Variants in ANTXR2 observed in about 807,000 individuals in gnomAD.
ANTXR2 encodes the protein ANTXR cell adhesion molecule 2, also known as anthrax toxin receptor 2.
A neutral mutation model predicts 73.7 loss-of-function variants in ANTXR2; 44 were observed. That is an observed-to-expected ratio of 0.60 (90% confidence interval 0.47 to 0.77). The LOEUF is 0.77. Ranked by LOEUF, ANTXR2 falls within the 30% of genes least tolerant of loss-of-function variation. The pLI is 0.00. For missense variants in ANTXR2, 604 were observed against 592.5 expected (o/e 1.02, Z -0.20); for synonymous variants, 217 against 205.9 (o/e 1.05, Z -0.46).
intron 12 of ANTXR2, among the ~76,000 whole-genome samples, chr4:79,992,920 A>G (rs1475030054): frequency 6.6e-6 from 1 of 152,006 alleles, no homozygotes; most frequent in Non-Finnish European, 1.5e-5. Flanking sequence ...TCCATGCCCA[A>G]TACATTCTTT....
Position 79,977,698 on chromosome 4 carries a change from G to A in ANTXR2, c.1351C>T (p.Arg451Cys). The A allele has an allele frequency of 1.9e-6, 3 of 1,570,398 alleles. No homozygotes were observed. Among genetic ancestry groups the A allele is most frequent in the Middle Eastern group, 1.7e-4 (1 of 6,016 alleles). ...QTKWYTPIKG[R>C]LDALWALLRR... ...AACAAAGCCCAGAGAGCATCAAGACGACCCTAAGGGAAAATGAGATTTGTG... is the reference window on the plus strand; with the variant it reads ...AACAAAGCCCAGAGAGCATCAAGACAACCCTAAGGGAAAATGAGATTTGTG... Residue 451 changes from arginine to cysteine, a missense_variant, in exon 16 of 17, where the codon CGT (arginine) becomes TGT (cysteine). Coordinates refer to ENST00000403729, the MANE Select transcript of ANTXR2 (RefSeq NM_058172.6).
chr4:80,001,166 CA>C lies in ANTXR2; in HGVS notation c.1041+7354del, dbSNP rs1381598710. Reference sequence around the variant, plus strand: ...GGTTTCAATAGCCTTGGTACCATTGCAAATTTTTTTTTATTATACTTTAAGT... The same window carrying C: ...GGTTTCAATAGCCTTGGTACCATTGCAATTTTTTTTTATTATACTTTAAGT... On this transcript the variant is annotated intron_variant, in intron 12 of 16. Coordinates refer to ENST00000403729, the MANE Select transcript of ANTXR2 (RefSeq NM_058172.6). 4.5e-4 allele frequency among the ~76,000 whole-genome samples: 50 copies of C among 110,276 alleles called. 1 individual carries two copies. In the Middle Eastern group the frequency reaches 0.034, roughly 76 times the overall value. 72.3% of individuals were successfully genotyped at this position (110,276 alleles called of 152,430 possible).
intron 16 of ANTXR2, among the ~76,000 whole-genome samples, chr4:79,927,263 T>C (rs1727856483): frequency 6.7e-6 from 1 of 149,944 alleles, no homozygotes; most frequent in Non-Finnish European, 1.5e-5. Context: ...TATTGGAAAT[T>C]AGCAAAGAGA....
chr4:80,038,106 G>T (rs1017276263), intron 7 of ANTXR2, among the ~76,000 whole-genome samples: 4 of 152,054 alleles, frequency 2.6e-5, no homozygotes, highest in African/African-American at 4.8e-5. Context: ...ATTGGCAATA[G>T]AAACCATTTC....
intron 16 of ANTXR2, among the ~76,000 whole-genome samples, chr4:79,934,056 A>G (rs1261735908): frequency 2.6e-5 from 4 of 152,196 alleles, no homozygotes; most frequent in South Asian, 2.1e-4. Flanking sequence ...CTATTGTTAG[A>G]AACTATGAAT....
At chr4:80,038,334 A>T (rs1439597922) in intron 7 of ANTXR2, among the ~76,000 whole-genome samples, 1 of 152,134 alleles carries the variant, frequency 6.6e-6, no homozygotes, top group Non-Finnish European at 1.5e-5. Context: ...CCAATCCATC[A>T]AAACATTTCT....
intron 16 of ANTXR2, among the ~76,000 whole-genome samples, chr4:79,919,920 T>TATAA (rs1727528240): frequency 1.3e-4 from 2 of 14,990 alleles, no homozygotes; most frequent in African/African-American, 6.2e-4. Flanking sequence ...TATATATATA[T>TATAA]AAAAAATGAT....
At chr4:79,992,110 T>G (rs1328508882) in intron 12 of ANTXR2, among the ~76,000 whole-genome samples, 1 of 151,926 alleles carries the variant, frequency 6.6e-6, no homozygotes, top group African/African-American at 2.4e-5. Flanking sequence ...GAACCTAAAA[T>G]AAAAATTGAA....
chr4:80,009,547 C>G (rs988725768), intron 11 of ANTXR2, among the ~76,000 whole-genome samples: 3 of 152,084 alleles, frequency 2.0e-5, no homozygotes, highest in African/African-American at 7.2e-5. Flanking sequence ...CCATGTCTGG[C>G]ATTTAAAAAC....
intron 10 of ANTXR2, among the ~76,000 whole-genome samples, chr4:80,031,141 T>C (rs1310028189): frequency 2.0e-5 from 3 of 152,010 alleles, no homozygotes; most frequent in African/African-American, 7.2e-5. Context: ...AATACAAATG[T>C]ACAAGTATTT....
chr4:79,990,496 T>C lies in ANTXR2; in HGVS notation c.1042-5633A>G, dbSNP rs537243930. On this transcript the variant is annotated intron_variant, in intron 12 of 16. Coordinates refer to ENST00000403729, the MANE Select transcript of ANTXR2 (RefSeq NM_058172.6). Reference sequence around the variant, plus strand: ...AGTAATCAGAGATAACAAAAACAAATGAAAAAGCATTCTATGCTCATGAAT... The same window carrying C: ...AGTAATCAGAGATAACAAAAACAAACGAAAAAGCATTCTATGCTCATGAAT... Among the ~76,000 whole-genome samples, 3 of 148,194 alleles carry C rather than the reference T, an allele frequency of 2.0e-5. No homozygotes were observed. In the South Asian group the frequency reaches 6.4e-4, roughly 32 times the overall value.
chr4:79,954,613 A>T (rs1268040143), intron 16 of ANTXR2, among the ~76,000 whole-genome samples: 1 of 152,146 alleles, frequency 6.6e-6, no homozygotes, highest in Non-Finnish European at 1.5e-5. Context: ...CCCAGATTTT[A>T]AAAAGAATGA....
At chr4:79,932,792 C>CAAAAAAAAAAA (rs57359650) in intron 16 of ANTXR2, among the ~76,000 whole-genome samples, 4 of 52,364 alleles carry the variant, frequency 7.6e-5, no homozygotes, top group Admixed American at 2.8e-4. Flanking sequence ...AACTCCATCT[C>CAAAAAAAAAAA]AAAAAAAAAA....
chr4:80,041,745 C>T (rs556900402), intron 7 of ANTXR2, among the ~76,000 whole-genome samples: 162 of 152,134 alleles, frequency 1.1e-3, no homozygotes, highest in Middle Eastern at 3.4e-3. Flanking sequence ...TGCATTAGTT[C>T]GCTGAGGATA....
chr4:79,965,865 T>G (rs1036296644), intron 16 of ANTXR2, among the ~76,000 whole-genome samples: 1 of 152,180 alleles, frequency 6.6e-6, no homozygotes, highest in Admixed American at 6.5e-5. Context: ...GTTGAGAACA[T>G]AGATTTGTTG....
Position 80,043,158 on chromosome 4 carries a change from A to G in ANTXR2, c.637-7126T>C, listed in dbSNP as rs567475332. ...AGCTCTGACTTCATCCTGAAGCAAA[A>G]TATTCATGTAACAAAATTACACTTG... is the stretch of plus-strand genomic sequence containing the variant. On this transcript the variant is annotated intron_variant, in intron 7 of 16. Transcript: ENST00000403729. Among the ~76,000 whole-genome samples, 91 of 152,170 alleles carry G rather than the reference A, an allele frequency of 6.0e-4. 1 individual carries two copies. The highest frequency in any genetic ancestry group is 2.0e-3 in the African/African-American group (85 of 41,546).
chr4:79,977,192 A>G (rs1268735649), intron 16 of ANTXR2, among the ~76,000 whole-genome samples: 1 of 152,250 alleles, frequency 6.6e-6, no homozygotes, highest in Non-Finnish European at 1.5e-5. Flanking sequence ...GATTACATCA[A>G]CTGTTGAAGG....
chr4:79,978,024 A>G lies in ANTXR2; in HGVS notation c.1330T>C (p.Trp444Arg), dbSNP rs1165422447. Residue 444 changes from tryptophan to arginine, a missense_variant, in exon 15 of 17, where the codon TGG (tryptophan) becomes CGG (arginine). By Grantham distance (101) the Trp-to-Arg change is moderately radical. Coordinates refer to ENST00000403729, the MANE Select transcript of ANTXR2 (RefSeq NM_058172.6). ...ACACATACCTTAATTGGGGTGTACC[A>G]TTTTGTCTGAGGAGGCTGGTGTGTG... is the stretch of plus-strand genomic sequence containing the variant. ...KPTHQPPQTK[W>R]YTPIKGRLDA... is the part of the protein sequence containing the mutation. 1 of 1,601,230 alleles carries G rather than the reference A, an allele frequency of 6.2e-7. No individual in the cohort carries two copies. Among genetic ancestry groups the G allele is most frequent in the Non-Finnish European group, 8.5e-7 (1 of 1,175,894 alleles).
intron 12 of ANTXR2, among the ~76,000 whole-genome samples, chr4:80,007,111 T>C (rs910368891): frequency 6.6e-6 from 1 of 152,082 alleles, no homozygotes; most frequent in African/African-American, 2.4e-5. Flanking sequence ...GCCTCCTCCA[T>C]GGGCCAACTG....
Sources: allele counts gnomAD v4.1 joint callset (sites outside exome capture counted in the v4.1 genomes callset), GRCh38; gene constraint gnomAD v4.1.1; transcripts MANE v1.5; gene names NCBI Gene and HGNC (gene_info 2026-07-23, HGNC 2026-07-21).